Variants in WDR70 observed in about 807,000 individuals in gnomAD.
WDR70 encodes the protein WD repeat domain 70.
WDR70 carries 53 observed loss-of-function variants against 88.6 expected under a neutral mutation model. The ratio of observed to expected loss-of-function variants is 0.60; its 90% CI spans 0.48 to 0.75. The LOEUF (loss-of-function observed/expected upper bound fraction) is 0.75, where lower values mean the gene tolerates loss of function less well. Among genes scored for constraint, WDR70 ranks in the 30% least tolerant of loss-of-function variants. The pLI, the probability that WDR70 is intolerant of heterozygous loss-of-function variation, is 0.00. For missense variants in WDR70, 610 were observed against 823.2 expected (o/e 0.74, Z 3.17); for synonymous variants, 280 against 270.0 (o/e 1.04, Z -0.36).
At chr5:37,531,751 A>T (rs10069207) in intron 9 of WDR70, among the ~76,000 whole-genome samples, 2,953 of 151,902 alleles carry the variant, frequency 0.019, 88 homozygotes, top group African/African-American at 0.067. Context: ...TAGGCCATTT[A>T]CGTTCAATGT....
chr5:37,526,712 A>G (rs533177175), intron 9 of WDR70, among the ~76,000 whole-genome samples: 20 of 152,296 alleles, frequency 1.3e-4, no homozygotes, highest in African/African-American at 4.3e-4. Context: ...TGCAGATGAC[A>G]TGATTGTGTA....
At chr5:37,501,487 G>A (rs186354002) in intron 8 of WDR70, among the ~76,000 whole-genome samples, 187 of 152,164 alleles carry the variant, frequency 1.2e-3, no homozygotes, top group Non-Finnish European at 2.0e-3. Context: ...ATATTAACAT[G>A]GTAGCTGATG....
intron 8 of WDR70, among the ~76,000 whole-genome samples, chr5:37,495,333 A>T (rs537919956): frequency 6.6e-6 from 1 of 152,252 alleles, no homozygotes; most frequent in South Asian, 2.1e-4. Flanking sequence ...AGACATGGGT[A>T]CTATCATTCA....
At chr5:37,399,943 T>A (rs1419782042) in intron 5 of WDR70, among the ~76,000 whole-genome samples, 1 of 152,086 alleles carries the variant, frequency 6.6e-6, no homozygotes, top group Non-Finnish European at 1.5e-5. Flanking sequence ...ATTTATTCAT[T>A]TATTTTTGAG....
rs59254502 is a variant in WDR70, at chr5:37,455,636, C to CTTTTTTTTTTTTT, written c.686+12271_686+12283dup. Among the ~76,000 whole-genome samples, 441 of 70,312 alleles carry CTTTTTTTTTTTTT rather than the reference C, an allele frequency of 6.3e-3. 20 individuals carry two copies. The highest frequency in any genetic ancestry group is 0.01 in the African/African-American group (217 of 21,550). 46.1% of individuals were successfully genotyped at this position (70,312 alleles called of 152,430 possible). On this transcript the variant is annotated intron_variant, in intron 7 of 17. Transcript: ENST00000265107. Reference sequence around the variant, plus strand: ...TTCTCTCGGGTCCAGTTCTCTTTATCTTTTTTTTTTTTTTTTTTTGCCACA... The same window carrying CTTTTTTTTTTTTT: ...TTCTCTCGGGTCCAGTTCTCTTTATCTTTTTTTTTTTTTTTTTTTTTTTTTTTTTTTTGCCACA...
chr5:37,714,102 C>T (rs1747590001), intron 13 of WDR70, among the ~76,000 whole-genome samples: 1 of 152,172 alleles, frequency 6.6e-6, no homozygotes, highest in Non-Finnish European at 1.5e-5. Context: ...TTTACCTGTA[C>T]TATAGTAAGA....
In WDR70 at chr5:37,704,670, C is replaced by T. The variant is rs544219514; in HGVS notation, c.1416+1583C>T. Reference sequence around the variant, plus strand: ...AACTTTTTGTTCACTGCAGTATCCTCGATGCTTTCAACAGTGCCTGGCACA... The same window carrying T: ...AACTTTTTGTTCACTGCAGTATCCTTGATGCTTTCAACAGTGCCTGGCACA... On this transcript the variant is annotated intron_variant, in intron 13 of 17. Coordinates refer to ENST00000265107, the MANE Select transcript of WDR70 (RefSeq NM_018034.4). Among the ~76,000 whole-genome samples the T allele has an allele frequency of 1.7e-3, 258 of 152,212 alleles. 1 individual carries two copies. The highest frequency in any genetic ancestry group is 5.8e-3 in the African/African-American group (241 of 41,544).
intron 10 of WDR70, among the ~76,000 whole-genome samples, chr5:37,685,734 C>T (rs1388220148): frequency 1.3e-5 from 2 of 152,168 alleles, no homozygotes; most frequent in Admixed American, 1.3e-4. Flanking sequence ...AGCAGCTCTC[C>T]CTGCCAACTA....
chr5:37,665,299 C>T (rs1279104805), intron 10 of WDR70, among the ~76,000 whole-genome samples: 1 of 152,186 alleles, frequency 6.6e-6, no homozygotes, highest in Admixed American at 6.5e-5. Context: ...ATTGAGTAGA[C>T]TTCTTTTGAG....
At chr5:37,561,244 C>T (rs1050623515) in intron 9 of WDR70, among the ~76,000 whole-genome samples, 4 of 152,034 alleles carry the variant, frequency 2.6e-5, no homozygotes, top group Non-Finnish European at 4.4e-5. Flanking sequence ...GCCACGAAGA[C>T]GGGACAATTT....
chr5:37,560,040 G>T (rs566262250), intron 9 of WDR70, among the ~76,000 whole-genome samples: 1 of 151,880 alleles, frequency 6.6e-6, no homozygotes, highest in Admixed American at 6.6e-5. Context: ...ATGTTTTTTA[G>T]AATAATTTCT....
At chr5:37,498,594 A>G (rs1740301777) in intron 8 of WDR70, among the ~76,000 whole-genome samples, 1 of 152,220 alleles carries the variant, frequency 6.6e-6, no homozygotes, top group Non-Finnish European at 1.5e-5. Context: ...AACATGTCAA[A>G]AAAGGAAATT....
intron 10 of WDR70, among the ~76,000 whole-genome samples, chr5:37,607,379 TG>T (rs1415848520): frequency 2.0e-5 from 3 of 152,186 alleles, no homozygotes; most frequent in Non-Finnish European, 4.4e-5. Context: ...TGATGGATAA[TG>T]GTTAATCTGT....
rs1740260093 is a variant in WDR70, at chr5:37,497,427, C to CTCTTCCCTACCCTTCCG, written c.840+17448_840+17449insACCCTTCCGTCTTCCCT. ...TTCCCCTCCCCTCCCCTTCCCTTCCCTCTTCCCTTCCCTTCCGTCTTCCCT... is the reference window on the plus strand; with the variant it reads ...TTCCCCTCCCCTCCCCTTCCCTTCCCTCTTCCCTACCCTTCCGTCTTCCCTTCCCTTCCGTCTTCCCT... On this transcript the variant is annotated intron_variant, in intron 8 of 17. Transcript: ENST00000265107. Among the ~76,000 whole-genome samples, 2 of 34,840 alleles carry CTCTTCCCTACCCTTCCG rather than the reference C, an allele frequency of 5.7e-5. 1 individual carries two copies. The highest frequency in any genetic ancestry group is 1.9e-4 in the Non-Finnish European group (2 of 10,734). The allele number at this position is 34,840 out of a possible 152,430, so 22.9% of individuals were successfully genotyped here. A position where few individuals can be genotyped will look rare whatever the true frequency, so the allele number is the denominator to read the frequency against.
chr5:37,636,658 T>G (rs1179913882), intron 10 of WDR70, among the ~76,000 whole-genome samples: 1 of 152,204 alleles, frequency 6.6e-6, no homozygotes, highest in Non-Finnish European at 1.5e-5. Flanking sequence ...TCTGTCAGAT[T>G]CTTACAAAAA....
At chr5:37,703,799 A>C (rs1265547179) in intron 13 of WDR70, among the ~76,000 whole-genome samples, 4 of 152,222 alleles carry the variant, frequency 2.6e-5, no homozygotes, top group Non-Finnish European at 4.4e-5. Flanking sequence ...ATGGTAAAGC[A>C]AATCATTGTA....
chr5:37,625,204 T>C (rs573323764), intron 10 of WDR70, among the ~76,000 whole-genome samples: 1 of 152,186 alleles, frequency 6.6e-6, no homozygotes, highest in Non-Finnish European at 1.5e-5. Flanking sequence ...GTATACTTAG[T>C]AGTAGCCTTG....
intron 10 of WDR70, among the ~76,000 whole-genome samples, chr5:37,606,185 C>G (rs980258436): frequency 5.9e-5 from 9 of 152,140 alleles, no homozygotes; most frequent in South Asian, 2.1e-4. Context: ...TTTTTTCAGG[C>G]AGATGTGTTG....
intron 10 of WDR70, among the ~76,000 whole-genome samples, chr5:37,667,800 G>A (rs1406361381): frequency 1.5e-5 from 2 of 135,054 alleles, no homozygotes; most frequent in Non-Finnish European, 3.1e-5. Context: ...TCTCCAGTGA[G>A]GTCCAGAGAA....
Sources: gnomAD v4.1 joint callset for allele counts (sites outside exome capture counted in the v4.1 genomes callset) on GRCh38, gnomAD v4.1.1 for gene constraint, MANE v1.5 for transcripts, NCBI Gene and HGNC (gene_info 2026-07-23, HGNC 2026-07-21) for gene names.